Variants in ANKAR observed in about 807,000 individuals in gnomAD.
The protein encoded by ANKAR is ankyrin and armadillo repeat containing.
Under a neutral mutation model 146.2 loss-of-function variants are expected in ANKAR, and 136 were observed. The observed-to-expected ratio is 0.93, with a 90% confidence interval of 0.81 to 1.07. The LOEUF (loss-of-function observed/expected upper bound fraction) is 1.07, where lower values mean the gene tolerates loss of function less well. ANKAR is among the 50% of genes least tolerant of loss of function. The probability of loss-of-function intolerance (pLI) is 0.00; values close to 1 mark genes in which losing one functional copy is unlikely to be tolerated. For missense variants in ANKAR, 1,567 were observed against 1,679.9 expected (o/e 0.93, Z 1.18); for synonymous variants, 500 against 575.8 (o/e 0.87, Z 1.88).
At chr2:189,724,484 TGGC>T (rs751027826) in intron 12 of ANKAR, among the ~76,000 whole-genome samples, 1 of 152,198 alleles carries the variant, frequency 6.6e-6, no homozygotes, top group Non-Finnish European at 1.5e-5. Flanking sequence ...TTCTTTACTC[TGGC>T]CTTTCCTTTT....
chr2:189,728,293 A>T lies in ANKAR; in HGVS notation c.2904A>T (p.Gln968His), dbSNP rs755187735. Reference protein sequence around the residue: ...LKAFQIDVKEQGAVALWALAG... With the variant: ...LKAFQIDVKEHGAVALWALAG... ...CATTTCAAATAGATGTTAAGGAACAAGGAGCTGTTGCACTTTGGGCCTTGG... is the reference window on the plus strand; with the variant it reads ...CATTTCAAATAGATGTTAAGGAACATGGAGCTGTTGCACTTTGGGCCTTGG... The change falls in exon 14 of 23, where the codon CAA (glutamine) becomes CAT (histidine). Residue 968 changes from glutamine to histidine, a missense_variant. By Grantham distance (24) the Gln-to-His change is conservative. Coordinates refer to ENST00000684021, the MANE Select transcript of ANKAR (RefSeq NM_001378068.1). 3 of 1,609,438 alleles carry T rather than the reference A, an allele frequency of 1.9e-6. No individual in the cohort carries two copies. The East Asian group carries it at 6.7e-5, about 36-fold the overall frequency.
intron 2 of ANKAR, among the ~76,000 whole-genome samples, chr2:189,683,020 C>T (rs1374634480): frequency 6.6e-6 from 1 of 152,192 alleles, no homozygotes; most frequent in African/African-American, 2.4e-5. Flanking sequence ...GCAGACCCCT[C>T]ATGAATGGGA....
At chr2:189,718,207 C>G (rs1268148244) in intron 10 of ANKAR, among the ~76,000 whole-genome samples, 1 of 152,178 alleles carries the variant, frequency 6.6e-6, no homozygotes, top group Non-Finnish European at 1.5e-5. Context: ...AATGCCAGCA[C>G]TTTGGGAGGC....
intron 2 of ANKAR, among the ~76,000 whole-genome samples, chr2:189,686,562 C>CAA (rs200850680): frequency 6.7e-6 from 1 of 149,548 alleles, no homozygotes; most frequent in African/African-American, 2.4e-5. Context: ...TTCTTATTGG[C>CAA]AAAAAAAAAG....
At chr2:189,753,795 T>C (rs532147322) in intron 18 of ANKAR, 83 of 1,072,912 alleles carry the variant, frequency 7.7e-5, no homozygotes, top group Non-Finnish European at 1.0e-4. Flanking sequence ...CATAATTTCA[T>C]ACTGTCAGGG....
At chr2:189,680,745 G>A (rs1055895465) in intron 2 of ANKAR, among the ~76,000 whole-genome samples, 7 of 152,158 alleles carry the variant, frequency 4.6e-5, no homozygotes, top group African/African-American at 1.7e-4. Context: ...TAGTTTTGCG[G>A]GTTCCTTTTG....
intron 10 of ANKAR, among the ~76,000 whole-genome samples, chr2:189,717,415 A>G (rs888346194): frequency 6.6e-6 from 1 of 152,226 alleles, no homozygotes; most frequent in Non-Finnish European, 1.5e-5. Flanking sequence ...TAGAATGGAG[A>G]TCATTAAAAA....
At position 189,755,348 on chromosome 2, in the gene ANKAR, A is replaced by G. The variant is rs776672168; in HGVS notation, c.*585-5750A>G. 5 of 1,613,406 alleles carry G rather than the reference A, an allele frequency of 3.1e-6. No individual in the cohort carries two copies. The African/African-American group carries it at 6.7e-5, about 22-fold the overall frequency. ...AAGTGCATGAGCCTCCATATGATGA[A>G]TGGGAATGAATGGCTTTTTTAACTG... On this transcript the variant is annotated intron_variant and NMD_transcript_variant, in intron 18 of 18. Coordinates refer to the ANKAR transcript ENST00000441800.
chr2:189,720,880 C>T (rs756618460), intron 12 of ANKAR, 93 bp downstream of exon 12: 120 of 1,035,774 alleles, frequency 1.2e-4, no homozygotes, highest in Non-Finnish European at 1.4e-4. Flanking sequence ...ATAGATGTCC[C>T]GAATCTGTGT....
downstream of ANKAR, chr2:189,762,954 TAC>T (rs1434801995): frequency 1.0e-6 from 1 of 985,328 alleles, no homozygotes; most frequent in African/African-American, 1.7e-5. Flanking sequence ...TCTGTAAAAT[TAC>T]ACAGCTAGTG....
At chr2:189,710,625 T>C (rs775028361) in intron 9 of ANKAR, among the ~76,000 whole-genome samples, 2 of 152,040 alleles carry the variant, frequency 1.3e-5, no homozygotes, top group Non-Finnish European at 2.9e-5. Context: ...CATGGCAAAA[T>C]GCTGTCTCTG....
intron 4 of ANKAR, chr2:189,692,854 G>C (rs529151812): frequency 5.9e-5 from 18 of 306,212 alleles, no homozygotes; most frequent in Non-Finnish European, 7.2e-5. Flanking sequence ...CATTTCAATT[G>C]TTATTGCTTT....
At chr2:189,741,112 T>G (rs745614461) in intron 19 of ANKAR, among the ~76,000 whole-genome samples, 3 of 152,184 alleles carry the variant, frequency 2.0e-5, no homozygotes, top group Non-Finnish European at 4.4e-5. Context: ...TTTTCAAATT[T>G]TTCACCCTTA....
chr2:189,753,845 G>T (rs185356164), intron 18 of ANKAR: 66 of 1,506,800 alleles, frequency 4.4e-5, no homozygotes, highest in Non-Finnish European at 5.6e-5. Context: ...CTAAACACAA[G>T]GTCAAGGTCT....
At chr2:189,721,400 T>C (rs2041217845) in intron 12 of ANKAR, among the ~76,000 whole-genome samples, 4 of 152,208 alleles carry the variant, frequency 2.6e-5, no homozygotes, top group Admixed American at 2.6e-4. Context: ...GCATGGATGA[T>C]TTTAAAAATA....
rs1017953985 is a variant in ANKAR at position 189,752,708 on chromosome 2, G to C, written c.*584+7920G>C. On this transcript the variant is annotated intron_variant and NMD_transcript_variant, in intron 18 of 18. Coordinates refer to the ANKAR transcript ENST00000441800. ...TGTAAAATGCCCAAGCCAGCACGTA[G>C]TCTTTCAATACCATTCCTAAATAAG... is the stretch of plus-strand genomic sequence containing the variant. The C allele has an allele frequency of 8.1e-6, 13 of 1,613,724 alleles. No individual in the cohort carries two copies. In the Admixed American group the frequency reaches 1.3e-4, roughly 17 times the overall value.
chr2:189,734,824 C>T (rs1181188497), intron 17 of ANKAR, among the ~76,000 whole-genome samples: 3 of 151,706 alleles, frequency 2.0e-5, no homozygotes, highest in Non-Finnish European at 2.9e-5. Flanking sequence ...ATTGGCCGGG[C>T]GTGGTGGCAC....
chr2:189,707,160 CTT>C lies in ANKAR; in HGVS notation c.2119+16_2119+17del. 2.2e-6 allele frequency: 3 copies of C among 1,375,350 alleles called. No homozygotes were observed. Among genetic ancestry groups the C allele is most frequent in the Non-Finnish European group, 2.9e-6 (3 of 1,026,910 alleles). The allele number at this position is 1,375,350 out of a possible 1,614,324, so 85.2% of individuals were successfully genotyped here. A position where few individuals can be genotyped will look rare whatever the true frequency, so the allele number is the denominator to read the frequency against. The stretch of plus-strand genomic sequence containing the variant: ...AAACTTTGGTAGGTGAGTATAATCT[CTT>C]TATAAATACATGTTCTGATTATTAT... On this transcript the variant is annotated intron_variant, in intron 9 of 22. Coordinates refer to ENST00000684021, the MANE Select transcript of ANKAR (RefSeq NM_001378068.1).
intron 17 of ANKAR, among the ~76,000 whole-genome samples, chr2:189,735,550 G>A (rs1574712797): frequency 6.6e-6 from 1 of 152,216 alleles, no homozygotes; most frequent in East Asian, 1.9e-4. Flanking sequence ...AGAAGTTAGA[G>A]GGGAGGGAGG....
Sources: gnomAD v4.1 joint callset for allele counts (sites outside exome capture counted in the v4.1 genomes callset) on GRCh38, gnomAD v4.1.1 for gene constraint, MANE v1.5 for transcripts, NCBI Gene and HGNC (gene_info 2026-07-23, HGNC 2026-07-21) for gene names.